Variants in RBM39 observed in about 807,000 individuals in gnomAD.
RBM39 encodes the protein RNA-binding protein 39.
A neutral mutation model predicts 79.6 loss-of-function variants in RBM39; 12 were observed. The ratio of observed to expected loss-of-function variants is 0.15; its 90% CI spans 0.10 to 0.24. The LOEUF (loss-of-function observed/expected upper bound fraction) is 0.24, where lower values mean the gene tolerates loss of function less well. RBM39 is among the 10% of genes least tolerant of loss of function. The probability of loss-of-function intolerance (pLI) is 1.00; values close to 1 mark genes in which losing one functional copy is unlikely to be tolerated. For missense variants in RBM39, 243 were observed against 653.4 expected, an observed-to-expected ratio of 0.37 and a Z score of 6.85; for synonymous variants, 185 against 208.4, an observed-to-expected ratio of 0.89 and a Z score of 0.97.
At chr20:35,733,974 T>G (rs1333287438) in intron 3 of RBM39, among the ~76,000 whole-genome samples, 2 of 152,254 alleles carry the variant, frequency 1.3e-5, no homozygotes, top group African/African-American at 4.8e-5. Context: ...TTGAAAGACA[T>G]TTCAAAATCA....
intron 10 of RBM39, among the ~76,000 whole-genome samples, chr20:35,715,165 G>A (rs1223454154): frequency 6.6e-6 from 1 of 152,008 alleles, no homozygotes; most frequent in African/African-American, 2.4e-5. Context: ...ATGTTTCCAG[G>A]ACCTTAAAAG....
At chr20:35,731,794 G>T in intron 4 of RBM39, 147 bp downstream of exon 4, 1 of 816,054 alleles carries the variant, frequency 1.2e-6, no homozygotes, top group Non-Finnish European at 2.0e-6. Flanking sequence ...CACTTTACTA[G>T]TATTCAATGC....
intron 10 of RBM39, among the ~76,000 whole-genome samples, chr20:35,714,920 A>G (rs1197176254): frequency 2.0e-5 from 3 of 152,214 alleles, no homozygotes; most frequent in African/African-American, 7.2e-5. Flanking sequence ...AGAAAAAGAA[A>G]AGGTGGAAAA....
chr20:35,715,459 A>G (rs1007373375), intron 10 of RBM39, among the ~76,000 whole-genome samples: 1 of 152,196 alleles, frequency 6.6e-6, no homozygotes, highest in African/African-American at 2.4e-5. Flanking sequence ...CACAGGCGTG[A>G]GCCACCACAC....
At chr20:35,715,414 G>A (rs185068233) in intron 10 of RBM39, among the ~76,000 whole-genome samples, 2 of 152,128 alleles carry the variant, frequency 1.3e-5, no homozygotes, top group Non-Finnish European at 2.9e-5. Flanking sequence ...GACCTCAGGT[G>A]ATCTACCGCT....
At position 35,742,258 on chromosome 20, in the gene RBM39, C is replaced by CAT. The variant is rs2040635705; in HGVS notation, c.-333_-332dup. 6.5e-6 allele frequency: 1 copy of CAT among 153,856 alleles called. No homozygotes were observed. Among genetic ancestry groups the CAT allele is most frequent in the Admixed American group, 6.5e-5 (1 of 15,294 alleles). The allele number at this position is 153,856 out of a possible 1,614,324, so 9.5% of individuals were successfully genotyped here. On this transcript the variant is annotated 5_prime_UTR_variant, in exon 1 of 17. It adds an upstream start codon to the 5' untranslated region. Coordinates refer to ENST00000253363, the MANE Select transcript of RBM39 (RefSeq NM_184234.3). ...CCCTGTACTCACATTCACCAGCACACATACACACACACAAACACACGGGGC... is the reference window on the plus strand; with the variant it reads ...CCCTGTACTCACATTCACCAGCACACATATACACACACACAAACACACGGGGC...
intron 10 of RBM39, among the ~76,000 whole-genome samples, chr20:35,715,769 G>C (rs2037037604): frequency 6.6e-6 from 1 of 152,160 alleles, no homozygotes; most frequent in South Asian, 2.1e-4. Flanking sequence ...TGGAAAGTGT[G>C]ACTTGGCAAG....
intron 2 of RBM39, chr20:35,739,699 A>G (rs1200136516): frequency 8.7e-6 from 3 of 343,280 alleles, no homozygotes; most frequent in Non-Finnish European, 1.8e-5. Flanking sequence ...AAACTAAGAC[A>G]CAAGAATCTT....
At position 35,729,524 on chromosome 20, in the gene RBM39, G is replaced by A. The variant is rs779008695; in HGVS notation, c.300C>T (p.Ser100=). ...RFRGRYRSPY[S]GPKFNSAIRG... is the part of the protein sequence containing the mutation. ...GGATGGCACTGTTAAATTTTGGTCCGGAGCTAAAAAGGAAACACAAAATTA... is the reference window on the plus strand; with the variant it reads ...GGATGGCACTGTTAAATTTTGGTCCAGAGCTAAAAAGGAAACACAAAATTA... Residue 100 remains serine (S), a synonymous_variant, in exon 5 of 17, where the codon TCC becomes TCT. Coordinates refer to ENST00000253363, the MANE Select transcript of RBM39 (RefSeq NM_184234.3). 2.5e-6 allele frequency: 4 copies of A among 1,613,612 alleles called. No individual in the cohort carries two copies. Among genetic ancestry groups the A allele is most frequent in the Non-Finnish European group, 2.5e-6 (3 of 1,179,862 alleles).
At chr20:35,715,553 G>T (rs1391686836) in intron 10 of RBM39, among the ~76,000 whole-genome samples, 2 of 152,102 alleles carry the variant, frequency 1.3e-5, no homozygotes, top group Non-Finnish European at 2.9e-5. Flanking sequence ...TAGTAAAAAA[G>T]AATCGTTAAC....
chr20:35,707,497 C>T (rs1487128311), intron 13 of RBM39: 3 of 218,774 alleles, frequency 1.4e-5, no homozygotes, highest in African/African-American at 4.7e-5. Context: ...AATCTCAATA[C>T]ACATCAATCC....
At chr20:35,706,082 T>C (rs150752097) in intron 14 of RBM39, among the ~76,000 whole-genome samples, 222 of 152,276 alleles carry the variant, frequency 1.5e-3, no homozygotes, top group Non-Finnish European at 2.4e-3. Context: ...CACACGCCTG[T>C]AATCCCAGCA....
At chr20:35,737,848 CAAAA>C (rs35300439) in intron 3 of RBM39, among the ~76,000 whole-genome samples, 6 of 40,428 alleles carry the variant, frequency 1.5e-4, no homozygotes, top group South Asian at 1.3e-3. Flanking sequence ...GACTCCGTGT[CAAAA>C]AAAAAAAAAA....
chr20:35,716,103 T>G (rs1220648805), intron 10 of RBM39, among the ~76,000 whole-genome samples: 1 of 152,138 alleles, frequency 6.6e-6, no homozygotes, highest in Non-Finnish European at 1.5e-5. Context: ...TCTTACTCTG[T>G]TGCCCAGGCT....
Position 35,721,755 on chromosome 20 carries a change from A to G in RBM39, c.810T>C (p.Phe270=), listed in dbSNP as rs766692049. The change falls in exon 9 of 17, where the codon TTT becomes TTC. Residue 270 remains phenylalanine (F), a synonymous_variant. Transcript: ENST00000253363. ...NITEDMLRGI[F]EPFGRIESIQ... Reference sequence around the variant, plus strand: ...CTGGACTTACTCTTCCAAAAGGCTCAAAGATCCCACGAAGCATATCTTCAG... The same window carrying G: ...CTGGACTTACTCTTCCAAAAGGCTCGAAGATCCCACGAAGCATATCTTCAG... 21 of 1,614,052 alleles carry G rather than the reference A, an allele frequency of 1.3e-5. No individual in the cohort carries two copies. The highest frequency in any genetic ancestry group is 1.8e-5 in the Non-Finnish European group (21 of 1,180,014).
Position 35,702,598 on chromosome 20 carries a change from G to C in RBM39, c.*1883C>G, listed in dbSNP as rs2035336702. 6.6e-6 allele frequency: 1 copy of C among 152,252 alleles called. No homozygotes were observed. Among genetic ancestry groups the C allele is most frequent in the African/African-American group, 2.4e-5 (1 of 41,468 alleles). 9.4% of individuals were successfully genotyped at this position (152,252 alleles called of 1,614,324 possible). A position where few individuals can be genotyped will look rare whatever the true frequency, so the allele number is the denominator to read the frequency against. On this transcript the variant is annotated 3_prime_UTR_variant, in exon 17 of 17. Transcript: ENST00000253363. ...TTTGGAAAAAGAGCACACTGACAGA[G>C]TGTCTCTGCCCCAAAGAACTCTGCA...
At chr20:35,729,409 C>T in intron 5 of RBM39, 44 bp from the exon 6 acceptor site, 3 of 1,605,686 alleles carry the variant, frequency 1.9e-6, no homozygotes, top group Non-Finnish European at 2.5e-6. Flanking sequence ...ACAAGTACAG[C>T]ATGTTAGTTC....
In RBM39 at chr20:35,729,331, T is replaced by G; in HGVS notation, c.397A>C (p.Lys133Gln). Reference protein sequence around the residue: ...RRSRSKSPFRKDKSPVREPID... With the variant: ...RRSRSKSPFRQDKSPVREPID... ...AACTACCTCACAGGGCTCTTGTCTT[T>G]TCTGAATGGACTTTTGCTTCGGGAA... The change falls in exon 6 of 17, where the codon AAA (lysine) becomes CAA (glutamine). Residue 133 changes from lysine (K) to glutamine (Q), a missense_variant. Lys to Gln is a moderately conservative substitution (Grantham distance 53, BLOSUM62 1). Around this residue, in one of 4 missense-constraint regions of RBM39, gnomAD observed 115 missense variants for 184.1 expected, o/e 0.62. Coordinates refer to ENST00000253363, the MANE Select transcript of RBM39 (RefSeq NM_184234.3). 1 of 1,602,136 alleles carries G rather than the reference T, an allele frequency of 6.2e-7. No individual in the cohort carries two copies. Among genetic ancestry groups the G allele is most frequent in the Middle Eastern group, 2.2e-4 (1 of 4,572 alleles).
chr20:35,734,972 C>A (rs1482858917), intron 3 of RBM39: 4 of 1,610,262 alleles, frequency 2.5e-6, no homozygotes, highest in Non-Finnish European at 3.4e-6. Context: ...GTCCACTGGG[C>A]TGGGCCTTTG....
Sources: allele counts gnomAD v4.1 joint callset (sites outside exome capture counted in the v4.1 genomes callset), GRCh38; gene constraint gnomAD v4.1.1; regional missense constraint gnomAD v4.1.1; transcripts MANE v1.5; gene names NCBI Gene and HGNC (gene_info 2026-07-23, HGNC 2026-07-21).